Variants in NBAS observed in about 807,000 individuals in gnomAD.
NBAS encodes the protein NAG/BC035112 fusion.
Under a neutral mutation model 302.5 loss-of-function variants are expected in NBAS, and 219 were observed. That is an observed-to-expected ratio of 0.72 (90% confidence interval 0.65 to 0.81). NBAS has a LOEUF of 0.81. Ranked by LOEUF, NBAS falls within the 30% of genes least tolerant of loss-of-function variation. The pLI is 0.00. For synonymous variants in NBAS, 1,118 were observed against 1,021.6 expected, an observed-to-expected ratio of 1.09 and a Z score of -1.80; for missense variants, 2,932 against 2,841.6, an observed-to-expected ratio of 1.03 and a Z score of -0.72.
the NBAS span, among the ~76,000 whole-genome samples, chr2:15,008,322 T>C: frequency 5.3e-5 from 8 of 152,356 alleles, no homozygotes; most frequent in East Asian, 1.4e-3. Context: ...TACAGGATGC[T>C]ACCAAAGACC....
chr2:15,057,357 G>C, the NBAS span, among the ~76,000 whole-genome samples: 1 of 147,856 alleles, frequency 6.8e-6, no homozygotes, highest in African/African-American at 2.5e-5. Flanking sequence ...TGATTGGGCA[G>C]AAGAGAGAGA....
intron 16 of NBAS, among the ~76,000 whole-genome samples, chr2:15,471,973 C>T (rs575700040): frequency 6.6e-6 from 1 of 152,280 alleles, no homozygotes; most frequent in East Asian, 1.9e-4. Flanking sequence ...GCGGCTAAAA[C>T]TAATTGAGAC....
At chr2:15,148,907 T>C in the NBAS span, among the ~76,000 whole-genome samples, 1 of 152,222 alleles carries the variant, frequency 6.6e-6, no homozygotes. Context: ...TTGTCTTTAT[T>C]AGGCTTTCGA....
In NBAS at chr2:15,292,754, C is replaced by A. The variant is rs1376089329; in HGVS notation, c.4810G>T (p.Glu1604Ter). The A allele has an allele frequency of 6.2e-7, 1 of 1,614,158 alleles. No homozygotes were observed. Among genetic ancestry groups the A allele is most frequent in the Non-Finnish European group, 8.5e-7 (1 of 1,180,034 alleles). Residue 1604 changes from glutamate to a stop codon, truncating the protein, a stop_gained, in exon 41 of 52, where the codon GAA becomes TAA. Transcript: ENST00000281513. LOFTEE classifies it high-confidence loss of function. ...CHPLYRADPK[E>*]LIKMVTRHVT... ...TGCCTGGTGACCATCTTGATTAGTTCTTTGGGATCAGCCTATGAAAGACAT... is the reference window on the plus strand; with the variant it reads ...TGCCTGGTGACCATCTTGATTAGTTATTTGGGATCAGCCTATGAAAGACAT...
At chr2:15,265,223 G>C (rs1299051611) in intron 44 of NBAS, among the ~76,000 whole-genome samples, 1 of 152,118 alleles carries the variant, frequency 6.6e-6, no homozygotes, top group Non-Finnish European at 1.5e-5. Flanking sequence ...AGTTCCTTTA[G>C]CAGAAAAGTG....
the NBAS span, among the ~76,000 whole-genome samples, chr2:14,950,940 ATCC>A: frequency 1.3e-5 from 2 of 152,214 alleles, no homozygotes; most frequent in South Asian, 2.1e-4. Flanking sequence ...CTCCCCCTCC[ATCC>A]TCCTCCATAA....
At chr2:14,911,699 G>GA in the NBAS span, among the ~76,000 whole-genome samples, 5 of 152,158 alleles carry the variant, frequency 3.3e-5, no homozygotes, top group African/African-American at 1.2e-4. Context: ...AACATGCAAT[G>GA]AAATTTCCTT....
chr2:14,796,586 A>G, the NBAS span, among the ~76,000 whole-genome samples: 7 of 152,058 alleles, frequency 4.6e-5, no homozygotes, highest in African/African-American at 1.4e-4. Flanking sequence ...ATTATTGTCA[A>G]TGCTATTGAT....
At chr2:15,338,911 G>T (rs1003280550) in intron 35 of NBAS, among the ~76,000 whole-genome samples, 1 of 152,092 alleles carries the variant, frequency 6.6e-6, no homozygotes, top group South Asian at 2.1e-4. Flanking sequence ...TACTTGGGGG[G>T]CTGAGGCAGA....
chr2:15,121,943 C>T, the NBAS span, among the ~76,000 whole-genome samples: 1 of 152,258 alleles, frequency 6.6e-6, no homozygotes, highest in African/African-American at 2.4e-5. Context: ...AGAAACATTA[C>T]TCTGAGAAAG....
At chr2:15,443,488 T>C (rs1678551672) in intron 21 of NBAS, among the ~76,000 whole-genome samples, 1 of 151,918 alleles carries the variant, frequency 6.6e-6, no homozygotes, top group Non-Finnish European at 1.5e-5. Flanking sequence ...AATTAGGTAT[T>C]GATGGGACGT....
intron 21 of NBAS, among the ~76,000 whole-genome samples, chr2:15,442,059 G>A (rs1455128414): frequency 1.5e-5 from 2 of 134,802 alleles, no homozygotes; most frequent in East Asian, 2.0e-4. Context: ...TTAATAATGG[G>A]AGACTTTAAC....
intron 11 of NBAS, among the ~76,000 whole-genome samples, chr2:15,501,755 T>C (rs751283656): frequency 1.6e-4 from 24 of 151,744 alleles, no homozygotes; most frequent in Non-Finnish European, 2.9e-4. Flanking sequence ...AAGATATTAG[T>C]AGTTAAGAGG....
At chr2:15,086,534 TG>T in the NBAS span, among the ~76,000 whole-genome samples, 1 of 152,230 alleles carries the variant, frequency 6.6e-6, no homozygotes, top group African/African-American at 2.4e-5. Flanking sequence ...AGAAGAGCTG[TG>T]GCCCCTTGGG....
the NBAS span, among the ~76,000 whole-genome samples, chr2:14,970,373 C>T: frequency 6.6e-6 from 1 of 152,176 alleles, no homozygotes; most frequent in Non-Finnish European, 1.5e-5. Context: ...AAACTAGGCT[C>T]TAGAGCTGGG....
At chr2:15,215,852 G>A (rs1381036281) in intron 48 of NBAS, among the ~76,000 whole-genome samples, 1 of 152,182 alleles carries the variant, frequency 6.6e-6, no homozygotes, top group African/African-American at 2.4e-5. Context: ...ACACACACAA[G>A]TATCTGCCCA....
At chr2:15,090,399 A>T in the NBAS span, among the ~76,000 whole-genome samples, 1 of 152,350 alleles carries the variant, frequency 6.6e-6, no homozygotes, top group East Asian at 1.9e-4. Context: ...TGGGTCAACC[A>T]GCGTTCATAT....
At chr2:14,937,591 A>T in the NBAS span, among the ~76,000 whole-genome samples, 1 of 152,100 alleles carries the variant, frequency 6.6e-6, no homozygotes, top group Non-Finnish European at 1.5e-5. Context: ...ATTGGGAAAC[A>T]TCCTATTTTT....
intron 42 of NBAS, 71 bp from the exon 43 acceptor site, chr2:15,277,172 A>G: frequency 1.9e-6 from 3 of 1,559,790 alleles, no homozygotes; most frequent in Non-Finnish European, 1.7e-6. Context: ...TTTTTAACCA[A>G]GGAAGAAACA....
Sources: allele counts gnomAD v4.1 joint callset (sites outside exome capture counted in the v4.1 genomes callset), GRCh38; gene constraint gnomAD v4.1.1; transcripts MANE v1.5; gene names NCBI Gene and HGNC (gene_info 2026-07-23, HGNC 2026-07-21).